Variants in GFM1 observed in about 807,000 individuals in gnomAD.
The protein encoded by GFM1 is G elongation factor mitochondrial 1.
Under a neutral mutation model 96.2 loss-of-function variants are expected in GFM1, and 62 were observed. That is an observed-to-expected ratio of 0.64 (90% CI 0.53 to 0.80). GFM1 has a LOEUF of 0.80. Among genes scored for constraint, GFM1 ranks in the 30% least tolerant of loss-of-function variants. The pLI is 0.00. For missense variants in GFM1, 852 were observed against 916.6 expected, an observed-to-expected ratio of 0.93 and a Z score of 0.91; for synonymous variants, 282 against 312.9, an observed-to-expected ratio of 0.90 and a Z score of 1.04.
At chr3:158,690,462 A>G in intron 16 of GFM1, 139 bp downstream of exon 16, 2 of 799,776 alleles carry the variant, frequency 2.5e-6, no homozygotes, top group East Asian at 5.0e-5. Context: ...GTAATTTGCT[A>G]TTAAAGCAAC....
intron 5 of GFM1, 50 bp downstream of exon 5, chr3:158,649,207 A>G: frequency 1.2e-6 from 1 of 801,296 alleles, no homozygotes; most frequent in Non-Finnish European, 2.2e-6. Context: ...AAAAGCATTA[A>G]AAAGAAGGAA....
chr3:158,669,377 T>G, intron 13 of GFM1: 32 of 1,504,014 alleles, frequency 2.1e-5, no homozygotes, highest in Non-Finnish European at 2.4e-5. Context: ...CACAGATAAT[T>G]GAGATTGATT....
intron 13 of GFM1, among the ~76,000 whole-genome samples, chr3:158,680,927 C>T (rs73156478): frequency 0.16 from 24,113 of 152,080 alleles, 1,989 homozygotes; most frequent in South Asian, 0.22. Flanking sequence ...TGTAAACAGC[C>T]ATGGTTAGTT....
intron 14 of GFM1, among the ~76,000 whole-genome samples, chr3:158,684,303 A>G (rs1243101500): frequency 2.0e-5 from 3 of 152,168 alleles, no homozygotes; most frequent in Admixed American, 6.5e-5. Flanking sequence ...CCCCCATGAC[A>G]TAAGTTTACC....
chr3:158,647,179 G>A (rs1439198732), intron 4 of GFM1, among the ~76,000 whole-genome samples: 1 of 152,138 alleles, frequency 6.6e-6, no homozygotes, highest in African/African-American at 2.4e-5. Context: ...TTCTAGGGAG[G>A]TTGAAGATGA....
intron 8 of GFM1, among the ~76,000 whole-genome samples, chr3:158,658,667 G>A (rs1475538458): frequency 6.6e-6 from 1 of 152,002 alleles, no homozygotes; most frequent in Non-Finnish European, 1.5e-5. Context: ...TAAAAATTTT[G>A]TTCTAATGTA....
intron 13 of GFM1, among the ~76,000 whole-genome samples, chr3:158,677,999 G>A (rs1033662367): frequency 5.3e-5 from 8 of 152,090 alleles, no homozygotes; most frequent in Admixed American, 2.0e-4. Context: ...AAAATCCTAG[G>A]GCCCATAATA....
intron 15 of GFM1, among the ~76,000 whole-genome samples, chr3:158,689,760 A>AG (rs1164959346): frequency 6.6e-6 from 1 of 151,792 alleles, no homozygotes; most frequent in African/African-American, 2.4e-5. Context: ...AAAAAAAAAA[A>AG]AAAGAAAGAA....
At chr3:158,657,705 G>T (rs956372695) in intron 8 of GFM1, among the ~76,000 whole-genome samples, 6 of 151,750 alleles carry the variant, frequency 4.0e-5, no homozygotes, top group African/African-American at 1.5e-4. Context: ...TTAGTGGGTA[G>T]GATCTAAATG....
At chr3:158,670,918 G>T in intron 13 of GFM1, 1 of 1,467,598 alleles carries the variant, frequency 6.8e-7, no homozygotes, top group Non-Finnish European at 9.0e-7. Context: ...GGGTGATAGA[G>T]TGAGACCCTG....
At position 158,672,276 on chromosome 3, in the gene GFM1, G is replaced by C. The variant is rs1293555287; in HGVS notation, c.1601+5890G>C. On this transcript the variant is annotated intron_variant, in intron 13 of 17. Coordinates refer to ENST00000486715, the MANE Select transcript of GFM1 (RefSeq NM_024996.7). Reference sequence around the variant, plus strand: ...GTGGCACGGAGTGTCTGCACCCAAAGGCTGAGACCGCGGGTGAGTGGAGGG... The same window carrying C: ...GTGGCACGGAGTGTCTGCACCCAAACGCTGAGACCGCGGGTGAGTGGAGGG... The C allele has an allele frequency of 2.5e-6, 4 of 1,583,702 alleles. No individual in the cohort carries two copies. In the African/African-American group the frequency reaches 4.0e-5, roughly 16 times the overall value.
chr3:158,654,489 G>T, intron 7 of GFM1, 58 bp from the exon 8 acceptor site: 1 of 1,033,734 alleles, frequency 9.7e-7, no homozygotes, highest in South Asian at 1.4e-5. Flanking sequence ...GAAATAAATT[G>T]ATATAAAAGA....
Position 158,652,213 on chromosome 3 carries a change from G to A in GFM1, c.807G>A (p.Leu269=), listed in dbSNP as rs879807884. 5 of 1,613,916 alleles carry A rather than the reference G, an allele frequency of 3.1e-6. No individual in the cohort carries two copies. In the African/African-American group the frequency reaches 5.3e-5, roughly 17 times the overall value. ...NSDEQLGEMF[L]EEKIPSISDL... ...ATGAACAGCTTGGTGAGATGTTTCT[G>A]GAAGAAAAAATCCCCTCGATTTCTG... Residue 269 remains leucine, a synonymous_variant, in exon 6 of 18, where the codon CTG becomes CTA. Coordinates refer to ENST00000486715, the MANE Select transcript of GFM1 (RefSeq NM_024996.7).
At chr3:158,679,282 G>C (rs1725167775) in intron 13 of GFM1, among the ~76,000 whole-genome samples, 1 of 152,118 alleles carries the variant, frequency 6.6e-6, no homozygotes, top group African/African-American at 2.4e-5. Context: ...GCTTTTATAA[G>C]CACTAGGAAA....
intron 13 of GFM1, among the ~76,000 whole-genome samples, chr3:158,672,124 C>T (rs1490069530): frequency 6.6e-6 from 1 of 152,170 alleles, no homozygotes; most frequent in Non-Finnish European, 1.5e-5. Context: ...AAAACTTTGT[C>T]TCTGCCTTAA....
chr3:158,678,004 A>G (rs762699455), intron 13 of GFM1, among the ~76,000 whole-genome samples: 5 of 152,218 alleles, frequency 3.3e-5, no homozygotes, highest in Non-Finnish European at 4.4e-5. Context: ...CCTAGGGCCC[A>G]TAATAATTAT....
At chr3:158,656,297 GCA>G in intron 8 of GFM1, 2 of 173,204 alleles carry the variant, frequency 1.2e-5, no homozygotes, top group Non-Finnish European at 2.4e-5. Context: ...GGGATTACAG[GCA>G]TGCGCCACCA....
rs1012282456 is a variant in GFM1, at chr3:158,694,342, A to T, written c.*2875A>T. On this transcript the variant is annotated 3_prime_UTR_variant, in exon 18 of 18. Coordinates refer to ENST00000486715, the MANE Select transcript of GFM1 (RefSeq NM_024996.7). ...AACTAACATAGGAAAAGAAAACCAAATACTGCATGTTCTCACTTATAAGTG... is the reference window on the plus strand; with the variant it reads ...AACTAACATAGGAAAAGAAAACCAATTACTGCATGTTCTCACTTATAAGTG... 6.6e-6 allele frequency among the ~76,000 whole-genome samples: 1 copy of T among 152,220 alleles called. No homozygotes were observed. The highest frequency in any genetic ancestry group is 1.5e-5 in the Non-Finnish European group (1 of 68,034).
chr3:158,677,762 A>G (rs1288134578), intron 13 of GFM1, among the ~76,000 whole-genome samples: 1 of 152,220 alleles, frequency 6.6e-6, no homozygotes, highest in Non-Finnish European at 1.5e-5. Context: ...TCGGCCTCCC[A>G]AAGTGCTGGG....
Sources: gnomAD v4.1 joint callset for allele counts (sites outside exome capture counted in the v4.1 genomes callset) on GRCh38, gnomAD v4.1.1 for gene constraint, MANE v1.5 for transcripts, NCBI Gene and HGNC (gene_info 2026-07-23, HGNC 2026-07-21) for gene names.